LCMT1: variants seen among roughly 807,000 people sequenced by gnomAD.
LCMT1 encodes the protein leucine carboxyl methyltransferase 1.
A neutral mutation model predicts 47.7 loss-of-function variants in LCMT1; 32 were observed. The observed-to-expected ratio is 0.67, with a 90% CI of 0.51 to 0.90. The LOEUF is 0.90. LCMT1 is among the 40% of genes least tolerant of loss of function. The probability of loss-of-function intolerance (pLI) is 0.00; values close to 1 mark genes in which losing one functional copy is unlikely to be tolerated. For missense variants in LCMT1, 375 were observed against 415.2 expected, an observed-to-expected ratio of 0.90 and a Z score of 0.84; for synonymous variants, 152 against 149.7, an observed-to-expected ratio of 1.02 and a Z score of -0.11.
chr16:25,153,473 C>CTCCCAA (rs58539375), intron 5 of LCMT1, among the ~76,000 whole-genome samples: 1 of 151,792 alleles, frequency 6.6e-6, no homozygotes, highest in Non-Finnish European at 1.5e-5. Flanking sequence ...TCAGAACACA[C>CTCCCAA]TCCCAATCCC....
In LCMT1 at chr16:25,151,182, T is replaced by C. The variant is rs149851199; in HGVS notation, c.405-372T>C. 9.1e-3 allele frequency among the ~76,000 whole-genome samples: 1,391 copies of C among 152,318 alleles called. 9 individuals are homozygous for C. Among genetic ancestry groups the C allele is most frequent in the Admixed American group, 0.015 (227 of 15,304 alleles). ...ATAACAAGTATCTTTAAAAGTTTGA[T>C]TGAGAATAGGCAGCAAACTAGAGAT... On this transcript the variant is annotated intron_variant, in intron 4 of 10. Transcript: ENST00000399069.
chr16:25,160,130 G>A (rs1961378634), intron 5 of LCMT1, among the ~76,000 whole-genome samples: 2 of 152,232 alleles, frequency 1.3e-5, no homozygotes, highest in South Asian at 4.1e-4. Flanking sequence ...TGTATTTTTA[G>A]TAGAGACGGA....
chr16:25,173,016 A>G (rs928922658), intron 9 of LCMT1, among the ~76,000 whole-genome samples: 2 of 152,210 alleles, frequency 1.3e-5, no homozygotes, highest in African/African-American at 4.8e-5. Flanking sequence ...GGAGGCGGGT[A>G]AGGAGATTGG....
Position 25,170,699 on chromosome 16 carries a change from C to T in LCMT1, c.793-15C>T, listed in dbSNP as rs775533488. On this transcript the variant is annotated splice_polypyrimidine_tract_variant and intron_variant, in intron 8 of 10. Transcript: ENST00000399069. ...AGTTCTCTAGTTCTCCATTTCTCTT[C>T]GTTGCACATTTTAGAAAGAACGGCT... The T allele has an allele frequency of 2.1e-5, 34 of 1,601,420 alleles. No homozygotes were observed. Among genetic ancestry groups the T allele is most frequent in the Middle Eastern group, 1.7e-4 (1 of 6,046 alleles).
rs1183484846 is a variant in LCMT1, at chr16:25,161,182, A to C, written c.547A>C (p.Lys183Gln). The stretch of plus-strand genomic sequence containing the variant: ...CCTGTCTGAACTGGAAGAGAAGCTA[A>C]AGAAATGTAACATGAATACACAGTG... ...RDLSELEEKL[K>Q]KCNMNTQLPT... Residue 183 changes from lysine (K) to glutamine (Q), a missense_variant, in exon 6 of 11, where the codon AAG (lysine) becomes CAG (glutamine). Physicochemically the swap from Lys to Gln is moderately conservative, Grantham distance 53. Transcript: ENST00000399069. 1.9e-6 allele frequency: 3 copies of C among 1,605,756 alleles called. No homozygotes were observed. The highest frequency in any genetic ancestry group is 1.7e-4 in the Middle Eastern group (1 of 6,056).
intron 3 of LCMT1, among the ~76,000 whole-genome samples, chr16:25,136,526 A>G (rs186547043): frequency 3.3e-5 from 5 of 150,698 alleles, no homozygotes; most frequent in African/African-American, 7.3e-5. Context: ...GGTTTGTTAC[A>G]TAGGTACACA....
intron 1 of LCMT1, among the ~76,000 whole-genome samples, chr16:25,115,933 C>T (rs1959771229): frequency 6.6e-6 from 1 of 152,176 alleles, no homozygotes; most frequent in Non-Finnish European, 1.5e-5. Flanking sequence ...CTGCCTCAGC[C>T]CCTCAAAGTG....
At position 25,176,905 on chromosome 16, in the gene LCMT1, C is replaced by T. The variant is rs555263421; in HGVS notation, c.983-1096C>T. On this transcript the variant is annotated intron_variant, in intron 10 of 10. Coordinates refer to ENST00000399069, the MANE Select transcript of LCMT1 (RefSeq NM_016309.3). ...TTAAAGTCATTTATTGTGAATTGAG[C>T]GCAGTGGCTCATGCCTGTAATCCCA... 3.3e-5 allele frequency among the ~76,000 whole-genome samples: 5 copies of T among 151,440 alleles called. No individual in the cohort carries two copies. In the East Asian group the frequency reaches 9.9e-4, roughly 30 times the overall value.
intron 3 of LCMT1, among the ~76,000 whole-genome samples, chr16:25,139,132 G>A (rs947315653): frequency 9.9e-5 from 15 of 151,948 alleles, no homozygotes; most frequent in South Asian, 4.1e-4. Flanking sequence ...GGATGGTCTC[G>A]GTCTCTTGAC....
At chr16:25,164,794 T>C in intron 7 of LCMT1, 76 bp downstream of exon 7, 1 of 1,585,876 alleles carries the variant, frequency 6.3e-7, no homozygotes, top group Non-Finnish European at 8.7e-7. Context: ...ACCCTTAGGA[T>C]AACTTCCCTT....
intron 1 of LCMT1, among the ~76,000 whole-genome samples, chr16:25,114,102 T>G (rs1427667867): frequency 6.6e-6 from 1 of 152,240 alleles, no homozygotes; most frequent in African/African-American, 2.4e-5. Context: ...TTAAAGTTGC[T>G]GAATGTGCAG....
chr16:25,116,355 C>T (rs931950824), intron 1 of LCMT1, among the ~76,000 whole-genome samples: 2 of 152,158 alleles, frequency 1.3e-5, no homozygotes, highest in South Asian at 2.1e-4. Context: ...TCTGGTATTC[C>T]GTGGGTGGCA....
intron 10 of LCMT1, among the ~76,000 whole-genome samples, chr16:25,175,995 C>G (rs1961920819): frequency 6.6e-6 from 1 of 152,178 alleles, no homozygotes; most frequent in African/African-American, 2.4e-5. Flanking sequence ...CGGCGTTTGT[C>G]TTTTCCATCC....
intron 3 of LCMT1, among the ~76,000 whole-genome samples, chr16:25,135,018 A>G (rs1181482877): frequency 1.3e-5 from 2 of 152,188 alleles, no homozygotes; most frequent in Non-Finnish European, 2.9e-5. Context: ...AGATCCTGCC[A>G]TTGGACCTGA....
chr16:25,153,295 T>G (rs930717741), intron 5 of LCMT1, among the ~76,000 whole-genome samples: 1 of 152,224 alleles, frequency 6.6e-6, no homozygotes, highest in African/African-American at 2.4e-5. Context: ...TACCTGGGAC[T>G]GGGTACTTTA....
chr16:25,174,408 A>G (rs114993388), intron 9 of LCMT1, among the ~76,000 whole-genome samples: 2,286 of 152,282 alleles, frequency 0.015, 62 homozygotes, highest in African/African-American at 0.052. Flanking sequence ...CTGTACATAT[A>G]CAGACAAATT....
intron 1 of LCMT1, among the ~76,000 whole-genome samples, chr16:25,123,177 G>A (rs561316612): frequency 6.8e-6 from 1 of 146,446 alleles, no homozygotes. Flanking sequence ...TTAATGGTCT[G>A]TATTTCCCCA....
chr16:25,177,478 T>C (rs1304745796), intron 10 of LCMT1, among the ~76,000 whole-genome samples: 3 of 152,254 alleles, frequency 2.0e-5, no homozygotes, highest in Non-Finnish European at 4.4e-5. Flanking sequence ...CAATTAAAAA[T>C]GCTCAATGAG....
chr16:25,142,217 G>A (rs571322529), intron 4 of LCMT1: 1 of 152,168 alleles, frequency 6.6e-6, no homozygotes, highest in South Asian at 2.1e-4. Context: ...GTGGAGAGAG[G>A]TATGACTGTT....
Sources: gnomAD v4.1 joint callset for allele counts (sites outside exome capture counted in the v4.1 genomes callset) on GRCh38, gnomAD v4.1.1 for gene constraint, MANE v1.5 for transcripts, NCBI Gene and HGNC (gene_info 2026-07-23, HGNC 2026-07-21) for gene names.